Variants in DBF4B observed in about 807,000 individuals in gnomAD.
DBF4B encodes the protein protein DBF4 homolog B.
In DBF4B, 49 loss-of-function variants were observed where a neutral mutation model predicts 53.4. The ratio of observed to expected loss-of-function variants is 0.92; its 90% CI spans 0.73 to 1.16. DBF4B has a LOEUF of 1.16. Among genes scored for constraint, DBF4B ranks in the 50% most tolerant of loss-of-function variants. The probability of loss-of-function intolerance (pLI) is 0.00; values close to 1 mark genes in which losing one functional copy is unlikely to be tolerated. For synonymous variants in DBF4B, 257 were observed against 288.7 expected (o/e 0.89, Z 1.11); for missense variants, 692 against 775.0 (o/e 0.89, Z 1.27).
intron 5 of DBF4B, chr17:44,731,329 G>T: frequency 3.2e-6 from 1 of 313,906 alleles, no homozygotes; most frequent in Non-Finnish European, 6.3e-6. Flanking sequence ...GTAACTCTAG[G>T]CTGGGTGTGG....
intron 2 of DBF4B, among the ~76,000 whole-genome samples, chr17:44,717,382 A>G (rs1973417707): frequency 6.6e-6 from 1 of 152,138 alleles, no homozygotes; most frequent in Admixed American, 6.6e-5. Context: ...AGCTTCCCCA[A>G]ATATTAACAT....
At chr17:44,739,484 C>G (rs955568928) in intron 9 of DBF4B, among the ~76,000 whole-genome samples, 4 of 152,124 alleles carry the variant, frequency 2.6e-5, no homozygotes, top group African/African-American at 9.7e-5. Flanking sequence ...GACAGTGCTG[C>G]GCTGGCTTTG....
intron 10 of DBF4B, among the ~76,000 whole-genome samples, chr17:44,744,971 T>C (rs554733232): frequency 1.3e-5 from 2 of 152,256 alleles, no homozygotes; most frequent in East Asian, 3.9e-4. Context: ...ATGAGCTCTT[T>C]GTTATTAGTT....
Position 44,741,306 on chromosome 17 carries a change from T to C in DBF4B, c.714-30T>C. On this transcript the variant is annotated intron_variant, in intron 9 of 13. Coordinates refer to ENST00000315005, the MANE Select transcript of DBF4B (RefSeq NM_145663.3). ...TCCTCAGCCTTTACCTTCCCCATTG[T>C]AGTCAAAGTGGAAGTTTTCTCTGTT... The C allele has an allele frequency of 3.3e-6, 5 of 1,513,342 alleles. No individual in the cohort carries two copies. In the South Asian group the frequency reaches 4.5e-5, roughly 14 times the overall value. 93.7% of individuals were successfully genotyped at this position (1,513,342 alleles called of 1,614,324 possible). A position where few individuals can be genotyped will look rare whatever the true frequency, so the allele number is the denominator to read the frequency against.
chr17:44,740,167 A>G (rs975677961), intron 9 of DBF4B, among the ~76,000 whole-genome samples: 4 of 152,184 alleles, frequency 2.6e-5, no homozygotes, highest in African/African-American at 9.7e-5. Context: ...AAGCAGAAAC[A>G]ATATCATTGA....
rs756224589 is a variant in DBF4B, at chr17:44,730,016, A to G, written c.337A>G (p.Ser113Gly). ...TAGAGGCTGCCCTAGCCCTAGCCCCAGTGAGGTCAGAGTGGAAACATCGGC... is the reference window on the plus strand; with the variant it reads ...TAGAGGCTGCCCTAGCCCTAGCCCCGGTGAGGTCAGAGTGGAAACATCGGC... ...SHRGCPSPSP[S>G]EVRVETSAMV... The change falls in exon 4 of 14, where the codon AGT becomes GGT. Residue 113 changes from serine (S) to glycine (G), a missense_variant. Around this residue, in one of 3 missense-constraint regions of DBF4B, gnomAD observed 597 missense variants for 665.8 expected, o/e 0.90. Transcript: ENST00000315005. 1.2e-6 allele frequency: 2 copies of G among 1,613,708 alleles called. No individual in the cohort carries two copies. Among genetic ancestry groups the G allele is most frequent in the African/African-American group, 1.3e-5 (1 of 75,034 alleles).
At chr17:44,735,784 A>G (rs545453588) in intron 7 of DBF4B, among the ~76,000 whole-genome samples, 94 of 152,330 alleles carry the variant, frequency 6.2e-4, no homozygotes, top group African/African-American at 1.5e-3. Flanking sequence ...TTTGCCCCCA[A>G]GGTGTGGCCT....
At chr17:44,730,299 T>A (rs1487988940) in intron 4 of DBF4B, among the ~76,000 whole-genome samples, 10 of 152,186 alleles carry the variant, frequency 6.6e-5, no homozygotes, top group Non-Finnish European at 5.9e-5. Context: ...TTTTATGCCT[T>A]ATGTCAGTTT....
intron 2 of DBF4B, among the ~76,000 whole-genome samples, chr17:44,714,655 G>A (rs1973175885): frequency 1.3e-5 from 2 of 151,878 alleles, no homozygotes; most frequent in African/African-American, 4.8e-5. Flanking sequence ...TGTTGAGAAT[G>A]TATTGTGCAT....
chr17:44,713,344 A>T (rs1037367370), intron 2 of DBF4B, among the ~76,000 whole-genome samples: 4 of 148,350 alleles, frequency 2.7e-5, no homozygotes, highest in African/African-American at 9.8e-5. Flanking sequence ...CCCCGCCGAC[A>T]TTATTTTCAT....
intron 4 of DBF4B, among the ~76,000 whole-genome samples, chr17:44,730,704 T>C (rs1974754893): frequency 1.3e-5 from 2 of 152,170 alleles, no homozygotes; most frequent in African/African-American, 4.8e-5. Flanking sequence ...TTGTAACAAT[T>C]GGATCTCAGT....
At chr17:44,723,368 G>A (rs1974022738) in intron 3 of DBF4B, among the ~76,000 whole-genome samples, 1 of 152,176 alleles carries the variant, frequency 6.6e-6, no homozygotes, top group African/African-American at 2.4e-5. Context: ...GCTTCCCAAA[G>A]TGCTGGGATT....
At chr17:44,743,344 T>G (rs1223657920) in intron 10 of DBF4B, among the ~76,000 whole-genome samples, 3 of 152,238 alleles carry the variant, frequency 2.0e-5, no homozygotes, top group African/African-American at 7.2e-5. Flanking sequence ...TTTACATTTT[T>G]GAAATCATTA....
At chr17:44,717,580 G>A (rs1030953723) in intron 2 of DBF4B, among the ~76,000 whole-genome samples, 1 of 151,868 alleles carries the variant, frequency 6.6e-6, no homozygotes, top group Non-Finnish European at 1.5e-5. Context: ...GTAGTGGCAG[G>A]CACCTGTAAT....
chr17:44,730,794 C>G (rs1455344743), intron 4 of DBF4B, among the ~76,000 whole-genome samples, 171 bp from the exon 5 acceptor site: 1 of 152,174 alleles, frequency 6.6e-6, no homozygotes, highest in Admixed American at 6.6e-5. Context: ...TTTACCTTTA[C>G]CTCCTAAACG....
At position 44,723,020 on chromosome 17, in the gene DBF4B, G is replaced by C; in HGVS notation, c.223G>C (p.Gly75Arg). The C allele has an allele frequency of 6.2e-7, 1 of 1,613,954 alleles. No individual in the cohort carries two copies. The highest frequency in any genetic ancestry group is 8.5e-7 in the Non-Finnish European group (1 of 1,179,860). ...GACGGGGGCCATTCAGCAACTGGGT[G>C]GGGTAGGTAACCTGCTCTTCTCCTG... The part of the protein sequence containing the change: ...FLTGAIQQLG[G>R]VIEGFLSKEV... Residue 75 changes from glycine to arginine, a missense_variant and splice_region_variant, in exon 3 of 14, where the codon GGG becomes CGG. Around this residue, in one of 3 missense-constraint regions of DBF4B, gnomAD observed 29 missense variants for 57.8 expected, o/e 0.50. Coordinates refer to ENST00000315005, the MANE Select transcript of DBF4B (RefSeq NM_145663.3).
At chr17:44,728,746 G>A (rs1277402538) in intron 3 of DBF4B, among the ~76,000 whole-genome samples, 1 of 151,994 alleles carries the variant, frequency 6.6e-6, no homozygotes, top group African/African-American at 2.4e-5. Flanking sequence ...GAACCTGGGA[G>A]GCGGAGGTTG....
rs182768965 is a variant in DBF4B, at chr17:44,741,120, G to A, written c.714-216G>A. ...ACTGCACTCCAGCCTGGGCGACAGCGAGACTCTGTCTCAAAAAAAAAAAAG... is the reference window on the plus strand; with the variant it reads ...ACTGCACTCCAGCCTGGGCGACAGCAAGACTCTGTCTCAAAAAAAAAAAAG... On this transcript the variant is annotated intron_variant, in intron 9 of 13. Coordinates refer to ENST00000315005, the MANE Select transcript of DBF4B (RefSeq NM_145663.3). 3.0e-3 allele frequency among the ~76,000 whole-genome samples: 453 copies of A among 151,602 alleles called. 3 individuals are homozygous for A. Among genetic ancestry groups the A allele is most frequent in the African/African-American group, 0.011 (442 of 41,286 alleles).
At position 44,708,853 on chromosome 17, in the gene DBF4B, G is replaced by A; in HGVS notation, c.19+14G>A. 6.4e-7 allele frequency: 1 copy of A among 1,551,258 alleles called. No homozygotes were observed. Among genetic ancestry groups the A allele is most frequent in the Non-Finnish European group, 8.7e-7 (1 of 1,146,878 alleles). On this transcript the variant is annotated intron_variant, in intron 1 of 13. Coordinates refer to ENST00000315005, the MANE Select transcript of DBF4B (RefSeq NM_145663.3). ...AACCGGGAAAGGGTACGGATGCCGG[G>A]AAGGGGAGAAAGAAAGGCGGAAGGG...
Sources: allele counts gnomAD v4.1 joint callset (sites outside exome capture counted in the v4.1 genomes callset), GRCh38; gene constraint gnomAD v4.1.1; regional missense constraint gnomAD v4.1.1; transcripts MANE v1.5; gene names NCBI Gene and HGNC (gene_info 2026-07-23, HGNC 2026-07-21).